The following NEDD4L variants were observed in gnomAD, a reference collection of about 807,000 sequenced individuals.
NEDD4L encodes NEDD4 like E3 ubiquitin protein ligase.
A neutral mutation model predicts 148.9 loss-of-function variants in NEDD4L; 54 were observed. That is an observed-to-expected ratio of 0.36 (90% CI 0.29 to 0.45). The LOEUF (loss-of-function observed/expected upper bound fraction) is 0.45. Ranked by LOEUF, NEDD4L falls within the 20% of genes least tolerant of loss-of-function variation. The probability of loss-of-function intolerance (pLI) is 1.00; values close to 1 mark genes in which losing one functional copy is unlikely to be tolerated. For synonymous variants in NEDD4L, 433 were observed against 440.7 expected (o/e 0.98, Z 0.22); for missense variants, 856 against 1,233.8 (o/e 0.69, Z 4.59).
chr18:58,229,730 G>A (rs1292215073), intron 2 of NEDD4L, among the ~76,000 whole-genome samples: 1 of 152,146 alleles, frequency 6.6e-6, no homozygotes, highest in Non-Finnish European at 1.5e-5. Flanking sequence ...GGTGGCTCAT[G>A]CCTGTAAGCC....
At position 58,397,789 on chromosome 18, in the gene NEDD4L, T is replaced by C. The variant is rs2050589358; in HGVS notation, c.*1520T>C. 6.6e-6 allele frequency: 1 copy of C among 152,548 alleles called. No individual in the cohort carries two copies. The highest frequency in any genetic ancestry group is 1.5e-5 in the Non-Finnish European group (1 of 68,034). The allele number at this position is 152,548 out of a possible 1,614,324, so 9.4% of individuals were successfully genotyped here. ...TGCTTTGAGAAAACACCTGAGGCAG[T>C]GTGGGAGTTGAACGACCCTGCTGTC... On this transcript the variant is annotated 3_prime_UTR_variant, in exon 31 of 31. Coordinates refer to ENST00000400345, the MANE Select transcript of NEDD4L (RefSeq NM_001144967.3).
intron 1 of NEDD4L, among the ~76,000 whole-genome samples, chr18:58,138,907 T>A (rs906262452): frequency 1.3e-5 from 2 of 152,194 alleles, no homozygotes; most frequent in Non-Finnish European, 2.9e-5. Flanking sequence ...ACGCAAACAT[T>A]CAGTCCCTGA....
At chr18:58,239,261 A>G (rs559491442) in intron 2 of NEDD4L, among the ~76,000 whole-genome samples, 18 of 152,358 alleles carry the variant, frequency 1.2e-4, no homozygotes, top group Middle Eastern at 3.4e-3. Flanking sequence ...CCAGTGCCAT[A>G]TTGACCATCT....
At chr18:58,122,992 C>T (rs1396268106) in intron 1 of NEDD4L, among the ~76,000 whole-genome samples, 2 of 152,210 alleles carry the variant, frequency 1.3e-5, no homozygotes, top group African/African-American at 4.8e-5. Flanking sequence ...TTCAGCCCCC[C>T]AGAGTGCTGG....
chr18:58,206,565 G>T (rs1488784904), intron 2 of NEDD4L, among the ~76,000 whole-genome samples: 1 of 152,168 alleles, frequency 6.6e-6, no homozygotes, highest in Non-Finnish European at 1.5e-5. Context: ...ATAAGCTCTT[G>T]GAGGACAGCC....
intron 1 of NEDD4L, among the ~76,000 whole-genome samples, chr18:58,048,034 GC>G (rs1279085783): frequency 6.6e-6 from 1 of 152,156 alleles, no homozygotes; most frequent in African/African-American, 2.4e-5. Context: ...AGAAATGAAG[GC>G]CAGGCTGACA....
intron 24 of NEDD4L, among the ~76,000 whole-genome samples, chr18:58,377,577 T>G (rs1221785436): frequency 6.6e-6 from 1 of 152,100 alleles, no homozygotes; most frequent in Non-Finnish European, 1.5e-5. Flanking sequence ...ATGTCAGTGT[T>G]TGAACTATGA....
chr18:58,393,028 A>G (rs892288894), intron 30 of NEDD4L, among the ~76,000 whole-genome samples: 6 of 152,174 alleles, frequency 3.9e-5, no homozygotes, highest in African/African-American at 1.4e-4. Context: ...AGCTACCAGA[A>G]TTAGAGCCTG....
intron 1 of NEDD4L, among the ~76,000 whole-genome samples, chr18:58,163,631 G>C (rs2036496220): frequency 6.6e-6 from 1 of 152,206 alleles, no homozygotes; most frequent in African/African-American, 2.4e-5. Context: ...ATGTTTGAAA[G>C]AACATTGGCA....
intron 1 of NEDD4L, among the ~76,000 whole-genome samples, chr18:58,094,900 T>TAA (rs1555689599): frequency 1.2e-4 from 15 of 129,532 alleles, no homozygotes; most frequent in African/African-American, 2.0e-4. Context: ...AAAGAGCACT[T>TAA]AAAAAAAAAA....
At chr18:58,337,855 A>G (rs779917441) in intron 13 of NEDD4L, among the ~76,000 whole-genome samples, 1 of 152,188 alleles carries the variant, frequency 6.6e-6, no homozygotes, top group Non-Finnish European at 1.5e-5. Flanking sequence ...TCAGCCAAGA[A>G]ACCACAGCCC....
At chr18:58,224,789 A>C (rs1195683541) in intron 2 of NEDD4L, among the ~76,000 whole-genome samples, 1 of 151,816 alleles carries the variant, frequency 6.6e-6, no homozygotes, top group African/African-American at 2.4e-5. Flanking sequence ...TCTCCCTTTC[A>C]CTTGTCTGTT....
At chr18:58,323,934 T>C (rs1330116147) in intron 8 of NEDD4L, among the ~76,000 whole-genome samples, 1 of 152,164 alleles carries the variant, frequency 6.6e-6, no homozygotes, top group Non-Finnish European at 1.5e-5. Flanking sequence ...GTTAGGCAAA[T>C]TCTCATATTC....
chr18:58,385,727 G>A (rs900305418), intron 26 of NEDD4L, 141 bp downstream of exon 26: 12 of 689,144 alleles, frequency 1.7e-5, no homozygotes, highest in Middle Eastern at 7.8e-4. Context: ...GACCGGGATC[G>A]CACAGCTCAC....
intron 5 of NEDD4L, among the ~76,000 whole-genome samples, chr18:58,254,515 T>C (rs1490008935): frequency 6.7e-6 from 1 of 149,670 alleles, no homozygotes; most frequent in Non-Finnish European, 1.5e-5. Context: ...AACAGTCAGC[T>C]CTAGGTAGCA....
intron 24 of NEDD4L, among the ~76,000 whole-genome samples, chr18:58,378,910 C>T (rs771116966): frequency 2.0e-5 from 3 of 152,216 alleles, no homozygotes; most frequent in Non-Finnish European, 4.4e-5. Context: ...GGGAGTCCCC[C>T]AGAAGTTCCT....
intron 1 of NEDD4L, among the ~76,000 whole-genome samples, chr18:58,120,711 C>T (rs976163391): frequency 4.6e-5 from 7 of 152,048 alleles, no homozygotes; most frequent in Admixed American, 1.3e-4. Flanking sequence ...ACCTGGGAGG[C>T]GGAGCTTGCG....
At chr18:58,325,233 T>A in intron 9 of NEDD4L, 71 bp downstream of exon 9, 1 of 1,559,668 alleles carries the variant, frequency 6.4e-7, no homozygotes, top group African/African-American at 1.4e-5. Context: ...TGGCGGCCCT[T>A]TGGGACAAGG....
intron 5 of NEDD4L, among the ~76,000 whole-genome samples, chr18:58,258,196 C>G (rs1172000378): frequency 1.3e-5 from 2 of 152,122 alleles, no homozygotes; most frequent in Non-Finnish European, 2.9e-5. Flanking sequence ...TGGTCTGAAC[C>G]TATACCATGT....
Sources: allele counts gnomAD v4.1 joint callset (sites outside exome capture counted in the v4.1 genomes callset), GRCh38; gene constraint gnomAD v4.1.1; transcripts MANE v1.5; gene names NCBI Gene and HGNC (gene_info 2026-07-23, HGNC 2026-07-21).